FGF2: variants seen among roughly 807,000 people sequenced by gnomAD.
FGF2 encodes the protein fibroblast growth factor 2, also known as basic fibroblast growth factor bFGF.
FGF2 carries 13 observed loss-of-function variants against 15.9 expected under a neutral mutation model. The observed-to-expected ratio is 0.82, with a 90% CI of 0.53 to 1.30. The LOEUF is 1.30. Among genes scored for constraint, FGF2 ranks in the 50% most tolerant of loss-of-function variants. The pLI, the probability that FGF2 is intolerant of heterozygous loss-of-function variation, is 0.00. For missense variants in FGF2, 163 were observed against 196.9 expected (o/e 0.83, Z 1.03); for synonymous variants, 90 against 78.4 (o/e 1.15, Z -0.78).
chr4:122,883,058 C>T (rs1209831479), intron 2 of FGF2: 2 of 152,190 alleles, frequency 1.3e-5, no homozygotes, highest in African/African-American at 4.8e-5. Context: ...AGATGTGCCT[C>T]GTAACTTGAA....
chr4:122,875,788 C>CA (rs1560753715), intron 1 of FGF2, among the ~76,000 whole-genome samples: 1 of 152,182 alleles, frequency 6.6e-6, no homozygotes, highest in African/African-American at 2.4e-5. Context: ...GCCTGGGTGA[C>CA]AGAGAGAGAC....
At chr4:122,883,869 A>G (rs865849209) in intron 2 of FGF2, among the ~76,000 whole-genome samples, 10 of 152,338 alleles carry the variant, frequency 6.6e-5, no homozygotes, top group African/African-American at 2.4e-4. Context: ...GAAAAAATGT[A>G]TATTCTCTGA....
chr4:122,896,806 T>C lies in FGF2; in HGVS notation c.*4410T>C, dbSNP rs45561135. ...AAATATTTAAAGACAATTTAGAAAA[T>C]TGCCTTAATATCATTGTTGGCTAAA... On this transcript the variant is annotated 3_prime_UTR_variant, in exon 3 of 3. Coordinates refer to ENST00000644866, the MANE Select transcript of FGF2 (RefSeq NM_001361665.2). 2.0e-5 allele frequency: 3 copies of C among 152,240 alleles called. No individual in the cohort carries two copies. In the East Asian group the frequency reaches 5.8e-4, roughly 29 times the overall value. 9.4% of individuals were successfully genotyped at this position (152,240 alleles called of 1,614,324 possible).
chr4:122,856,869 G>A (rs943955743), intron 1 of FGF2, among the ~76,000 whole-genome samples: 2 of 152,066 alleles, frequency 1.3e-5, no homozygotes, highest in Non-Finnish European at 2.9e-5. Flanking sequence ...CCCCACCTTG[G>A]GAAACTACCC....
intron 2 of FGF2, chr4:122,882,612 A>G (rs1196274306): frequency 1.3e-5 from 2 of 152,258 alleles, no homozygotes; most frequent in Non-Finnish European, 2.9e-5. Flanking sequence ...TGCAGTAAGA[A>G]TTAATTTACC....
rs180953862 is a variant in FGF2, at chr4:122,855,243, A to T, written c.179-21078A>T. 6.4e-4 allele frequency among the ~76,000 whole-genome samples: 98 copies of T among 152,330 alleles called. 2 individuals carry two copies. In the South Asian group the frequency reaches 0.019, roughly 30 times the overall value. On this transcript the variant is annotated intron_variant, in intron 1 of 2. Coordinates refer to ENST00000644866, the MANE Select transcript of FGF2 (RefSeq NM_001361665.2). ...CACCCAAGAAGCATTTCGAAAAGGA[A>T]GAATTTGCCAAGAAAAGGCTATATT...
intron 1 of FGF2, among the ~76,000 whole-genome samples, chr4:122,838,117 G>A (rs930621734): frequency 1.3e-5 from 2 of 152,118 alleles, no homozygotes; most frequent in Non-Finnish European, 2.9e-5. Flanking sequence ...GAAAAATAAC[G>A]AATTACAGAG....
intron 2 of FGF2, among the ~76,000 whole-genome samples, chr4:122,878,104 T>C (rs1222429253): frequency 6.6e-6 from 1 of 152,208 alleles, no homozygotes; most frequent in African/African-American, 2.4e-5. Flanking sequence ...CTGCCCTTAA[T>C]GAGTGACAAT....
In FGF2 at chr4:122,854,789, G is replaced by A. The variant is rs573254668; in HGVS notation, c.179-21532G>A. On this transcript the variant is annotated intron_variant, in intron 1 of 2. Coordinates refer to ENST00000644866, the MANE Select transcript of FGF2 (RefSeq NM_001361665.2). ...TAATGCTCGTCATTGATTGAGAGACGTGCTGCCGGGGCTATTTTCATGGGA... is the reference window on the plus strand; with the variant it reads ...TAATGCTCGTCATTGATTGAGAGACATGCTGCCGGGGCTATTTTCATGGGA... 3.3e-5 allele frequency among the ~76,000 whole-genome samples: 5 copies of A among 152,272 alleles called. No homozygotes were observed. In the East Asian group the frequency reaches 9.6e-4, roughly 29 times the overall value.
At chr4:122,847,303 C>T (rs1330817131) in intron 1 of FGF2, among the ~76,000 whole-genome samples, 1 of 152,144 alleles carries the variant, frequency 6.6e-6, no homozygotes, top group East Asian at 1.9e-4. Context: ...TTGGGAGAGA[C>T]AGGAAAGGCC....
chr4:122,835,126 C>G (rs1477758776), intron 1 of FGF2, among the ~76,000 whole-genome samples: 1 of 152,134 alleles, frequency 6.6e-6, no homozygotes, highest in Non-Finnish European at 1.5e-5. Flanking sequence ...CCCTTTCCCC[C>G]AAACTGCTGT....
At chr4:122,834,665 G>C (rs958944339) in intron 1 of FGF2, among the ~76,000 whole-genome samples, 3 of 152,206 alleles carry the variant, frequency 2.0e-5, no homozygotes, top group African/African-American at 7.2e-5. Flanking sequence ...GACACTGCCA[G>C]AGATATGACC....
At position 122,880,210 on chromosome 4, in the gene FGF2, C is replaced by T. The variant is rs370297634; in HGVS notation, c.282+3786C>T. On this transcript the variant is annotated intron_variant, in intron 2 of 2. Transcript: ENST00000644866. Reference sequence around the variant, plus strand: ...GGCCCAAATGAAGGGGCTACAGGCCCTATGCAAGTCTGAAATCCAGTGAGG... The same window carrying T: ...GGCCCAAATGAAGGGGCTACAGGCCTTATGCAAGTCTGAAATCCAGTGAGG... 3.6e-4 allele frequency among the ~76,000 whole-genome samples: 54 copies of T among 151,490 alleles called. No homozygotes were observed. In the South Asian group the frequency reaches 6.7e-3, roughly 19 times the overall value.
At chr4:122,876,536 T>G (rs2150784220) in intron 2 of FGF2, 112 bp downstream of exon 2, 1 of 745,480 alleles carries the variant, frequency 1.3e-6, no homozygotes, top group Non-Finnish European at 2.4e-6. Context: ...ATCATCGTCA[T>G]AGTCACCCTG....
At chr4:122,865,624 A>G (rs551420209) in intron 1 of FGF2, among the ~76,000 whole-genome samples, 31 of 152,222 alleles carry the variant, frequency 2.0e-4, no homozygotes, top group Non-Finnish European at 3.7e-4. Flanking sequence ...CCTAATTTCC[A>G]AATATTTGGG....
At chr4:122,833,897 G>A (rs984384134) in intron 1 of FGF2, among the ~76,000 whole-genome samples, 1 of 152,190 alleles carries the variant, frequency 6.6e-6, no homozygotes, top group African/African-American at 2.4e-5. Context: ...ATAATCTAGA[G>A]AAAGATGAAT....
chr4:122,863,160 T>C (rs1726506794), intron 1 of FGF2, among the ~76,000 whole-genome samples: 1 of 152,206 alleles, frequency 6.6e-6, no homozygotes, highest in South Asian at 2.1e-4. Flanking sequence ...TCAGAAGCGT[T>C]CTATGCCCTG....
rs1271777763 is a variant in FGF2, at chr4:122,894,180, G to A, written c.*1784G>A. The A allele has an allele frequency of 6.6e-6, 1 of 152,200 alleles. No homozygotes were observed. The highest frequency in any genetic ancestry group is 6.5e-5 in the Admixed American group (1 of 15,280). The allele number at this position is 152,200 out of a possible 1,614,324, so 9.4% of individuals were successfully genotyped here. A position where few individuals can be genotyped will look rare whatever the true frequency, so the allele number is the denominator to read the frequency against. On this transcript the variant is annotated 3_prime_UTR_variant, in exon 3 of 3. Transcript: ENST00000644866. ...AGCTATGGAAAGATGCATAGAAAGA[G>A]TATAATGTTTTAAAACATAAGGCAT...
intron 1 of FGF2, among the ~76,000 whole-genome samples, chr4:122,872,009 T>A (rs1726748215): frequency 6.6e-6 from 1 of 152,042 alleles, no homozygotes. Context: ...TGCAGAACTG[T>A]ATGGAGGATC....
Sources: allele counts gnomAD v4.1 joint callset (sites outside exome capture counted in the v4.1 genomes callset), GRCh38; gene constraint gnomAD v4.1.1; transcripts MANE v1.5; gene names NCBI Gene and HGNC (gene_info 2026-07-23, HGNC 2026-07-21).